The following LRRK2 variants were observed in gnomAD, a reference collection of about 807,000 sequenced individuals.
LRRK2 encodes leucine rich repeat kinase 2, also known as leucine-rich repeat serine/threonine-protein kinase 2.
A neutral mutation model predicts 302.6 loss-of-function variants in LRRK2; 203 were observed. The observed-to-expected ratio is 0.67, with a 90% confidence interval of 0.60 to 0.75. The LOEUF is 0.75. LRRK2 is among the 30% of genes least tolerant of loss of function. The pLI is 0.00. For missense variants in LRRK2, 2,830 were observed against 2,951.0 expected (o/e 0.96, Z 0.95); for synonymous variants, 1,066 against 1,031.9 (o/e 1.03, Z -0.63).
intron 49 of LRRK2, chr12:40,365,381 A>G (rs1427984816): frequency 2.6e-5 from 6 of 229,364 alleles, no homozygotes; most frequent in African/African-American, 1.2e-4. Context: ...AATAAAGAAA[A>G]TGTTTGTTTT....
At position 40,249,873 on chromosome 12, in the gene LRRK2, G is replaced by A. The variant is rs750899927; in HGVS notation, c.886G>A (p.Val296Met). The A allele has an allele frequency of 3.1e-6, 5 of 1,613,730 alleles. No individual in the cohort carries two copies. In the African/African-American group the frequency reaches 5.3e-5, roughly 17 times the overall value. The change falls in exon 8 of 51, where the codon GTG (valine) becomes ATG (methionine). Residue 296 changes from valine (V) to methionine (M), a missense_variant. By Grantham distance (21) the Val-to-Met change is conservative. Coordinates refer to ENST00000298910, the MANE Select transcript of LRRK2 (RefSeq NM_198578.4). Reference sequence around the variant, plus strand: ...ATTAAACGAAGTCCATGAGTTTGTGGTGAAAGCTGTGCAGCAGTACCCAGA... The same window carrying A: ...ATTAAACGAAGTCCATGAGTTTGTGATGAAAGCTGTGCAGCAGTACCCAGA... Reference protein sequence around the residue: ...LVLNEVHEFVVKAVQQYPENA... With the variant: ...LVLNEVHEFVMKAVQQYPENA...
chr12:40,277,789 C>T (rs1332539712), intron 16 of LRRK2, 99 bp from the exon 17 acceptor site: 6 of 1,112,432 alleles, frequency 5.4e-6, no homozygotes, highest in Non-Finnish European at 7.8e-6. Flanking sequence ...AAATGAACAT[C>T]CTAGGTATTG....
At chr12:40,340,530 G>A (rs1324641347) in intron 41 of LRRK2, 76 bp downstream of exon 41, 1 of 1,475,482 alleles carries the variant, frequency 6.8e-7, no homozygotes, top group African/African-American at 1.4e-5. Flanking sequence ...GTTCAGAAGA[G>A]TCAAAAGGAA....
chr12:40,259,156 T>G (rs1378943306), intron 12 of LRRK2, among the ~76,000 whole-genome samples: 7 of 152,166 alleles, frequency 4.6e-5, no homozygotes, highest in Admixed American at 4.6e-4. Context: ...TTAACCTCTA[T>G]CTGTCTAAGT....
At chr12:40,279,729 T>G (rs1378732247) in intron 18 of LRRK2, among the ~76,000 whole-genome samples, 2 of 152,242 alleles carry the variant, frequency 1.3e-5, no homozygotes, top group African/African-American at 4.8e-5. Context: ...TTTATTCCTC[T>G]TTCCATATTC....
intron 21 of LRRK2, 150 bp downstream of exon 21, chr12:40,293,813 A>T: frequency 1.7e-6 from 1 of 579,662 alleles, no homozygotes. Flanking sequence ...TATGTAATAG[A>T]TATGAAAACA....
Position 40,238,087 on chromosome 12 carries a change from T to G in LRRK2, c.555T>G (p.His185Gln). 1.9e-6 allele frequency: 3 copies of G among 1,613,646 alleles called. No individual in the cohort carries two copies. The highest frequency in any genetic ancestry group is 2.5e-6 in the Non-Finnish European group (3 of 1,179,772). The change falls in exon 5 of 51, where the codon CAT (histidine) becomes CAG (glutamine). Residue 185 changes from histidine to glutamine, a missense_variant. Around this residue, in one of 3 missense-constraint regions of LRRK2, gnomAD observed 2,121 missense variants for 2,148.0 expected, o/e 0.99. Transcript: ENST00000298910. ...EVQKLGCKALHVLFERVSEEQ... is the reference protein window; with the variant it reads ...EVQKLGCKALQVLFERVSEEQ... ...AGAAACTTGGATGCAAAGCTTTACA[T>G]GTGCTGTTTGAGAGAGGTATTTTAA...
At chr12:40,289,598 TTAA>T (rs1041844583) in intron 20 of LRRK2, among the ~76,000 whole-genome samples, 1 of 150,152 alleles carries the variant, frequency 6.7e-6, no homozygotes, top group African/African-American at 2.4e-5. Context: ...AACTAATATA[TTAA>T]TAATGAGTCT....
intron 24 of LRRK2, 27 bp downstream of exon 24, chr12:40,298,520 AGGGTT>A: frequency 6.2e-7 from 1 of 1,613,254 alleles, no homozygotes; most frequent in Non-Finnish European, 8.5e-7. Flanking sequence ...TAAAAATAAA[AGGGTT>A]GCCTAAATAT....
intron 49 of LRRK2, 51 bp from the exon 50 acceptor site, chr12:40,366,955 A>G (rs763322436): frequency 2.9e-6 from 4 of 1,379,608 alleles, no homozygotes; most frequent in Non-Finnish European, 4.1e-6. Flanking sequence ...TTTTCAGGCC[A>G]GTTTAATATA....
At chr12:40,266,414 T>C (rs557856638) in intron 14 of LRRK2, among the ~76,000 whole-genome samples, 47 of 152,308 alleles carry the variant, frequency 3.1e-4, no homozygotes, top group Admixed American at 2.7e-3. Flanking sequence ...CTCATCATCA[T>C]TGGCCATCAG....
chr12:40,262,320 G>A (rs1942807535), intron 13 of LRRK2, among the ~76,000 whole-genome samples: 1 of 151,988 alleles, frequency 6.6e-6, no homozygotes, highest in African/African-American at 2.4e-5. Flanking sequence ...CACTCCATGA[G>A]GCAGATATTA....
At position 40,363,477 on chromosome 12, in the gene LRRK2, A is replaced by G; in HGVS notation, c.7104A>G (p.Gln2368=). ...ACACTGCTCTCTATATTGCTAAGCA[A>G]AATAGCCCTGTTGTGGAAGTGTGGG... ...VVDTALYIAK[Q]NSPVVEVWDK... The change falls in exon 48 of 51, where the codon CAA becomes CAG. Residue 2368 remains glutamine (Q), a synonymous_variant. Transcript: ENST00000298910. The G allele has an allele frequency of 6.2e-7, 1 of 1,612,214 alleles. No individual in the cohort carries two copies. Among genetic ancestry groups the G allele is most frequent in the East Asian group, 2.2e-5 (1 of 44,760 alleles).
Position 40,367,070 on chromosome 12 carries a change from G to A in LRRK2, c.7455G>A (p.Lys2485=), listed in dbSNP as rs1342987871. Residue 2485 remains lysine, a synonymous_variant, in exon 50 of 51, where the codon AAG becomes AAA. Transcript: ENST00000298910. ...GGAAAAATACTGAAGGTACACAAAAGCAGAAAGGTAACATTTAGAAGGATA... is the reference window on the plus strand; with the variant it reads ...GGAAAAATACTGAAGGTACACAAAAACAGAAAGGTAACATTTAGAAGGATA... ...YNRKNTEGTQ[K]QKEIQSCLTV... is the part of the protein sequence containing the mutation. 4.4e-6 allele frequency: 7 copies of A among 1,607,672 alleles called. No individual in the cohort carries two copies. Among genetic ancestry groups the A allele is most frequent in the East Asian group, 4.5e-5 (2 of 44,604 alleles).
intron 29 of LRRK2, 115 bp from the exon 30 acceptor site, chr12:40,308,991 C>T: frequency 8.4e-7 from 1 of 1,188,272 alleles, no homozygotes; most frequent in African/African-American, 1.6e-5. Flanking sequence ...TGTTGTTTTT[C>T]TCTTATTAGT....
chr12:40,313,526 C>T (rs1945102923), intron 31 of LRRK2, among the ~76,000 whole-genome samples: 1 of 151,904 alleles, frequency 6.6e-6, no homozygotes, highest in East Asian at 1.9e-4. Flanking sequence ...TTACAAATAA[C>T]CAAGCACAAA....
chr12:40,225,633 T>G lies in LRRK2; in HGVS notation c.230T>G (p.Val77Gly). ...GACTCCTATATGAGAGTCGCGAGTG[T>G]GCAGCAGGTAAAGGCATTGTTTTCA... ...VLDSYMRVASVQQVGWSLLCK... is the reference protein window; with the variant it reads ...VLDSYMRVASGQQVGWSLLCK... The change falls in exon 2 of 51, where the codon GTG (valine) becomes GGG (glycine). Residue 77 changes from valine (V) to glycine (G), a missense_variant. By Grantham distance (109) the Val-to-Gly change is moderately radical (BLOSUM62 -3). Coordinates refer to ENST00000298910, the MANE Select transcript of LRRK2 (RefSeq NM_198578.4). 6.2e-7 allele frequency: 1 copy of G among 1,613,356 alleles called. No homozygotes were observed. Among genetic ancestry groups the G allele is most frequent in the Non-Finnish European group, 8.5e-7 (1 of 1,179,276 alleles).
At chr12:40,341,253 G>T (rs2136957430) in intron 41 of LRRK2, among the ~76,000 whole-genome samples, 1 of 152,306 alleles carries the variant, frequency 6.6e-6, no homozygotes, top group South Asian at 2.1e-4. Flanking sequence ...TAAAATTACA[G>T]GTGGCTATAC....
intron 11 of LRRK2, among the ~76,000 whole-genome samples, chr12:40,255,093 A>C (rs540062609): frequency 2.0e-5 from 3 of 152,212 alleles, no homozygotes; most frequent in Admixed American, 6.5e-5. Context: ...ACTAATATTT[A>C]TTGAGCTCCC....
Sources: allele counts gnomAD v4.1 joint callset (sites outside exome capture counted in the v4.1 genomes callset), GRCh38; gene constraint gnomAD v4.1.1; regional missense constraint gnomAD v4.1.1; transcripts MANE v1.5; gene names NCBI Gene and HGNC (gene_info 2026-07-23, HGNC 2026-07-21).